HAPLN2: variants seen among roughly 807,000 people sequenced by gnomAD.
HAPLN2 encodes hyaluronan and proteoglycan link protein 2, also known as brain link protein-1.
Under a neutral mutation model 29.3 loss-of-function variants are expected in HAPLN2, and 27 were observed. The ratio of observed to expected loss-of-function variants is 0.92; its 90% CI spans 0.68 to 1.27. The LOEUF (loss-of-function observed/expected upper bound fraction) is 1.27, where lower values mean the gene tolerates loss of function less well. Ranked by LOEUF, HAPLN2 falls within the 50% of genes most tolerant of loss-of-function variation. The pLI is 0.00. For missense variants in HAPLN2, 454 were observed against 484.3 expected, an observed-to-expected ratio of 0.94 and a Z score of 0.59; for synonymous variants, 208 against 211.7, an observed-to-expected ratio of 0.98 and a Z score of 0.15.
chr1:156,605,418 C>A, the HAPLN2 span, among the ~76,000 whole-genome samples: 1 of 151,044 alleles, frequency 6.6e-6, no homozygotes, highest in Non-Finnish European at 1.5e-5. Context: ...ATGGTGAAAC[C>A]CTGTCTCTAA....
upstream of HAPLN2, chr1:156,619,200 A>G (rs1678141627): frequency 6.6e-6 from 1 of 150,584 alleles, no homozygotes; most frequent in South Asian, 2.1e-4. Flanking sequence ...GGGGATGTCA[A>G]TTCCTGTTCT....
chr1:156,619,134 C>T (rs1678139821), upstream of HAPLN2, among the ~76,000 whole-genome samples: 1 of 152,050 alleles, frequency 6.6e-6, no homozygotes, highest in South Asian at 2.1e-4. Flanking sequence ...GAGAGAGATT[C>T]CATTTCAACC....
At chr1:156,618,778 CAAAAAA>C (rs67222173), upstream of HAPLN2, among the ~76,000 whole-genome samples, 2 of 41,656 alleles carry the variant, frequency 4.8e-5, no homozygotes, top group African/African-American at 6.8e-5. Context: ...GACTCCGTCT[CAAAAAA>C]AAAAAAAAAA....
the HAPLN2 span, among the ~76,000 whole-genome samples, chr1:156,608,202 C>T: frequency 6.6e-6 from 1 of 152,224 alleles, no homozygotes; most frequent in Non-Finnish European, 1.5e-5. Flanking sequence ...GCCGACAGAG[C>T]ACAGAGAGAG....
At position 156,625,013 on chromosome 1, in the gene HAPLN2, G is replaced by C; in HGVS notation, c.740-88G>C. 1 of 1,450,708 alleles carries C rather than the reference G, an allele frequency of 6.9e-7. No homozygotes were observed. The highest frequency in any genetic ancestry group is 1.4e-5 in the African/African-American group (1 of 70,254). The allele number at this position is 1,450,708 out of a possible 1,614,324, so 89.9% of individuals were successfully genotyped here. A position where few individuals can be genotyped will look rare whatever the true frequency, so the allele number is the denominator to read the frequency against. ...CCCAAGCTCGATCCAGCACCTCTGC[G>C]GTCCCGCACCCCAACTCCGCCTCCT... On this transcript the variant is annotated intron_variant, in intron 6 of 6. Coordinates refer to ENST00000255039, the MANE Select transcript of HAPLN2 (RefSeq NM_021817.3). The surrounding 1 kb of genome is among the most constrained non-coding windows in gnomAD (Gnocchi z 5.7).
Position 156,624,036 on chromosome 1 carries a change from G to T in HAPLN2, c.315G>T (p.Arg105Ser). ...GPLGGRARMR[R>S]GHRLDASLVI... ...TGGGAGGGCGCGCCAGGATGCGGAG[G>T]GGGCATCGACTAGACGCCTCCCTGG... The change falls in exon 4 of 7, where the codon AGG (arginine) becomes AGT (serine). Residue 105 changes from arginine (R) to serine (S), a missense_variant. By Grantham distance (110) the Arg-to-Ser change is moderately radical. This residue lies in a region of HAPLN2 where 204 missense variants were observed against 209.2 expected (regional missense o/e 0.98). Transcript: ENST00000255039. 1.9e-6 allele frequency: 3 copies of T among 1,612,858 alleles called. No homozygotes were observed. Among genetic ancestry groups the T allele is most frequent in the Non-Finnish European group, 2.5e-6 (3 of 1,179,628 alleles).
At chr1:156,605,474 C>G in the HAPLN2 span, among the ~76,000 whole-genome samples, 5 of 151,204 alleles carry the variant, frequency 3.3e-5, no homozygotes, top group Non-Finnish European at 7.4e-5. Context: ...GTGACGTGCA[C>G]CTGTAATCCC....
chr1:156,613,378 G>T, the HAPLN2 span, among the ~76,000 whole-genome samples: 3 of 152,026 alleles, frequency 2.0e-5, no homozygotes, highest in African/African-American at 7.2e-5. Flanking sequence ...GTCAAAATTA[G>T]ATTGATAATT....
the HAPLN2 span, among the ~76,000 whole-genome samples, chr1:156,609,619 A>G: frequency 6.6e-6 from 1 of 152,228 alleles, no homozygotes; most frequent in Non-Finnish European, 1.5e-5. Flanking sequence ...AAGGACAGTT[A>G]TAGATCTGCT....
the HAPLN2 span, among the ~76,000 whole-genome samples, chr1:156,612,313 C>T: frequency 6.6e-5 from 10 of 152,110 alleles, no homozygotes; most frequent in African/African-American, 1.2e-4. Flanking sequence ...TGTGAGCCAC[C>T]GCGCCCGCCA....
chr1:156,618,550 C>G (rs578142725), upstream of HAPLN2, among the ~76,000 whole-genome samples: 66 of 151,952 alleles, frequency 4.3e-4, no homozygotes, highest in African/African-American at 1.5e-3. Context: ...GAGGCCGAGG[C>G]AGGCGGATCA....
chr1:156,624,726 C>G lies in HAPLN2; in HGVS notation c.682C>G (p.Pro228Ala), dbSNP rs747967102. ...CCGGCCCGGGATCCGCAGCTACGGA[C>G]CCCGCGACCGGATGCGCGACCGCTA... ...RGRPGIRSYG[P>A]RDRMRDRYDA... is the part of the protein sequence containing the mutation. Residue 228 changes from proline to alanine, a missense_variant, in exon 6 of 7, where the codon CCC (proline) becomes GCC (alanine). By Grantham distance (27) the Pro-to-Ala change is conservative. Transcript: ENST00000255039. The G allele has an allele frequency of 6.4e-7, 1 of 1,571,586 alleles. No homozygotes were observed. The highest frequency in any genetic ancestry group is 8.6e-7 in the Non-Finnish European group (1 of 1,165,444).
chr1:156,623,667 G>A, intron 3 of HAPLN2, 92 bp downstream of exon 3: 1 of 1,563,056 alleles, frequency 6.4e-7, no homozygotes, highest in Non-Finnish European at 8.7e-7. Flanking sequence ...CAGGTACCCA[G>A]GGACTGAAAG....
At chr1:156,623,033 CAAA>C (rs1207919606) in intron 2 of HAPLN2, among the ~76,000 whole-genome samples, 1 of 44,218 alleles carries the variant, frequency 2.3e-5, no homozygotes, top group African/African-American at 6.8e-5. Context: ...CACTCTGTCT[CAAA>C]AAAATAAATA....
rs777754023 is a variant in HAPLN2, at chr1:156,625,278, C to G, written c.917C>G (p.Thr306Arg). 1.9e-6 allele frequency: 3 copies of G among 1,575,842 alleles called. No homozygotes were observed. Among genetic ancestry groups the G allele is most frequent in the South Asian group, 2.3e-5 (2 of 85,932 alleles). Residue 306 changes from threonine to arginine, a missense_variant, in exon 7 of 7, where the codon ACG becomes AGG. By Grantham distance (71) the Thr-to-Arg change is moderately conservative. Coordinates refer to ENST00000255039, the MANE Select transcript of HAPLN2 (RefSeq NM_021817.3). This position sits in a 1 kb window ranked among gnomAD's most constrained non-coding sequence, Gnocchi z 5.7. ...GGCAGTGTGCGCTTCCCAATCACCA[C>G]GCCGAGGCCGCGCTGCGGGGGGCTC... ...ADGSVRFPIT[T>R]PRPRCGGLPD...
At chr1:156,616,566 G>A (rs962672834), upstream of HAPLN2, among the ~76,000 whole-genome samples, 16 of 152,140 alleles carry the variant, frequency 1.1e-4, no homozygotes, top group Non-Finnish European at 1.8e-4. Flanking sequence ...GGGAATGGAT[G>A]CAGTGGCCAG....
upstream of HAPLN2, among the ~76,000 whole-genome samples, chr1:156,616,152 A>G (rs1326118865): frequency 6.6e-6 from 1 of 152,030 alleles, no homozygotes; most frequent in Non-Finnish European, 1.5e-5. Context: ...GGTGTTAGAG[A>G]AGGAGATGTC....
At chr1:156,614,693 G>C (rs1678020263), upstream of HAPLN2, 1 of 152,136 alleles carries the variant, frequency 6.6e-6, no homozygotes, top group Non-Finnish European at 1.5e-5. Context: ...CCAGGGATTT[G>C]AGAAGCCACG....
chr1:156,610,123 G>A, the HAPLN2 span, among the ~76,000 whole-genome samples: 4 of 152,014 alleles, frequency 2.6e-5, no homozygotes, highest in African/African-American at 7.2e-5. Flanking sequence ...CTGAGGCAGT[G>A]AAATCGCTTG....
Sources: allele counts gnomAD v4.1 joint callset (sites outside exome capture counted in the v4.1 genomes callset), GRCh38; gene constraint gnomAD v4.1.1; regional missense constraint gnomAD v4.1.1; non-coding constraint Gnocchi (gnomAD v3.1); transcripts MANE v1.5; gene names NCBI Gene and HGNC (gene_info 2026-07-23, HGNC 2026-07-21).